The following DPP6 variants were observed in gnomAD, a reference collection of about 807,000 sequenced individuals.
DPP6 encodes the protein dipeptidyl peptidase like 6.
In DPP6, 69 loss-of-function variants were observed where a neutral mutation model predicts 122.6. The observed-to-expected ratio is 0.56, with a 90% CI of 0.46 to 0.69. The LOEUF is 0.69. Ranked by LOEUF, DPP6 falls within the 30% of genes least tolerant of loss-of-function variation. The probability of loss-of-function intolerance (pLI) is 0.00; values close to 1 mark genes in which losing one functional copy is unlikely to be tolerated. For missense variants in DPP6, 928 were observed against 1,116.9 expected, an observed-to-expected ratio of 0.83 and a Z score of 2.41; for synonymous variants, 418 against 433.1, an observed-to-expected ratio of 0.97 and a Z score of 0.43.
At chr7:153,971,075 T>C (rs907191123) in intron 1 of DPP6, among the ~76,000 whole-genome samples, 3 of 152,148 alleles carry the variant, frequency 2.0e-5, no homozygotes, top group African/African-American at 7.2e-5. Flanking sequence ...TTTGGGAGAA[T>C]TGGCATGTTA....
chr7:153,769,862 C>T, the DPP6 span, among the ~76,000 whole-genome samples: 1 of 152,150 alleles, frequency 6.6e-6, no homozygotes, highest in Non-Finnish European at 1.5e-5. Context: ...CAGATCAAGT[C>T]AGACGTCAAT....
chr7:154,294,059 C>T (rs958348621), intron 1 of DPP6, among the ~76,000 whole-genome samples: 4 of 152,090 alleles, frequency 2.6e-5, no homozygotes, highest in Non-Finnish European at 4.4e-5. Flanking sequence ...AGCCAGTAAG[C>T]GAAAGGACCC....
At chr7:154,174,192 G>T (rs1347458529) in intron 1 of DPP6, among the ~76,000 whole-genome samples, 1 of 152,228 alleles carries the variant, frequency 6.6e-6, no homozygotes, top group African/African-American at 2.4e-5. Context: ...CGCACTAGCT[G>T]CATGACTTTG....
chr7:154,450,569 G>A (rs969335251), intron 2 of DPP6, among the ~76,000 whole-genome samples: 8 of 152,144 alleles, frequency 5.3e-5, no homozygotes, highest in African/African-American at 1.4e-4. Context: ...GAGCAGTTCC[G>A]GGAGAGAGAG....
intron 3 of DPP6, among the ~76,000 whole-genome samples, chr7:154,510,287 T>C (rs773079074): frequency 6.6e-6 from 1 of 152,184 alleles, no homozygotes; most frequent in Non-Finnish European, 1.5e-5. Flanking sequence ...AGTGTACTAG[T>C]CTGGACAGCT....
the DPP6 span, among the ~76,000 whole-genome samples, chr7:153,810,711 T>A: frequency 7.4e-6 from 1 of 135,530 alleles, no homozygotes; most frequent in Non-Finnish European, 1.6e-5. Context: ...TCTCTCTCTC[T>A]CTCAGTAAGC....
rs534049528 is a variant in DPP6, at chr7:153,929,858, A to G, written c.51+42124A>G. 3.9e-5 allele frequency among the ~76,000 whole-genome samples: 6 copies of G among 152,342 alleles called. No homozygotes were observed. In the East Asian group the frequency reaches 1.2e-3, roughly 29 times the overall value. ...TCATTTGCATTACTTGAAGTGAATT[A>G]TGTTCATTTTCCATAATTCTAAGTC... On this transcript the variant is annotated intron_variant, in intron 1 of 25. Coordinates refer to the DPP6 transcript ENST00000404039.
At chr7:154,292,150 C>T (rs964677505) in intron 1 of DPP6, among the ~76,000 whole-genome samples, 10 of 152,108 alleles carry the variant, frequency 6.6e-5, no homozygotes, top group African/African-American at 2.2e-4. Flanking sequence ...GGCACTCTTA[C>T]GTCTTGTGTC....
chr7:154,666,867 T>G (rs1485863448), intron 6 of DPP6, among the ~76,000 whole-genome samples: 2 of 152,192 alleles, frequency 1.3e-5, no homozygotes, highest in Non-Finnish European at 2.9e-5. Context: ...GTGGAAGTGT[T>G]GGGCTGAAAG....
the DPP6 span, among the ~76,000 whole-genome samples, chr7:153,782,290 T>C: frequency 6.6e-6 from 1 of 152,206 alleles, no homozygotes; most frequent in East Asian, 1.9e-4. Flanking sequence ...GACAGGACTT[T>C]TCCTCTCATC....
chr7:154,160,740 C>G (rs1796939003), intron 1 of DPP6, among the ~76,000 whole-genome samples: 1 of 152,186 alleles, frequency 6.6e-6, no homozygotes, highest in Non-Finnish European at 1.5e-5. Context: ...TTCCAGAAGA[C>G]AGAGATGGGG....
intron 1 of DPP6, among the ~76,000 whole-genome samples, chr7:154,195,928 G>A (rs1331723541): frequency 1.3e-5 from 2 of 152,064 alleles, no homozygotes; most frequent in African/African-American, 4.8e-5. Context: ...TGAGGGATGT[G>A]GCTTTTCCCT....
chr7:154,886,510 C>A (rs1439113923), intron 22 of DPP6, among the ~76,000 whole-genome samples: 4 of 152,208 alleles, frequency 2.6e-5, no homozygotes, highest in African/African-American at 9.6e-5. Flanking sequence ...AACCTGAGCT[C>A]TGTGACCTGA....
At position 154,349,380 on chromosome 7, in the gene DPP6, C is replaced by A. The variant is rs183210281; in HGVS notation, c.244-96834C>A. On this transcript the variant is annotated intron_variant, in intron 1 of 25. Coordinates refer to ENST00000377770, the MANE Select transcript of DPP6 (RefSeq NM_130797.4). ...TAGTAGAGATGGGGTTTCACCATGTCGGCCAGGCTTGTCTCGAACTCCTGA... is the reference window on the plus strand; with the variant it reads ...TAGTAGAGATGGGGTTTCACCATGTAGGCCAGGCTTGTCTCGAACTCCTGA... Among the ~76,000 whole-genome samples the A allele has an allele frequency of 2.3e-3, 347 of 152,132 alleles. 2 individuals are homozygous for A. Among genetic ancestry groups the A allele is most frequent in the African/African-American group, 7.9e-3 (328 of 41,518 alleles).
chr7:154,794,039 G>A (rs1454858041), intron 10 of DPP6, 40 bp from the exon 11 acceptor site: 1 of 1,599,212 alleles, frequency 6.3e-7, no homozygotes, highest in Non-Finnish European at 8.5e-7. Context: ...GTCGTGCGGG[G>A]GTCCTGCCAA....
intron 7 of DPP6, among the ~76,000 whole-genome samples, chr7:154,723,551 T>C (rs548850351): frequency 8.5e-5 from 13 of 152,262 alleles, no homozygotes; most frequent in African/African-American, 3.1e-4. Context: ...TAAATTAGGT[T>C]GTATACTTGT....
At chr7:153,828,892 T>C in the DPP6 span, among the ~76,000 whole-genome samples, 1 of 152,204 alleles carries the variant, frequency 6.6e-6, no homozygotes, top group African/African-American at 2.4e-5. Context: ...CCAAATTGAA[T>C]TAAACCACAG....
chr7:154,363,358 C>G (rs778104672), intron 1 of DPP6, among the ~76,000 whole-genome samples: 15 of 152,198 alleles, frequency 9.9e-5, no homozygotes, highest in Non-Finnish European at 2.9e-5. Context: ...AGTTTGTCCC[C>G]AGTGCTTCAA....
intron 1 of DPP6, among the ~76,000 whole-genome samples, chr7:154,342,412 C>G (rs1183957267): frequency 1.3e-5 from 2 of 152,166 alleles, no homozygotes; most frequent in Non-Finnish European, 2.9e-5. Flanking sequence ...CAGATTCTGT[C>G]CAGCCTACCT....
Sources: allele counts gnomAD v4.1 joint callset (sites outside exome capture counted in the v4.1 genomes callset), GRCh38; gene constraint gnomAD v4.1.1; transcripts MANE v1.5; gene names NCBI Gene and HGNC (gene_info 2026-07-23, HGNC 2026-07-21).